Variants in C14orf39 observed in about 807,000 individuals in gnomAD.
The protein encoded by C14orf39 is protein SIX6OS1.
In C14orf39, 66 loss-of-function variants were observed where a neutral mutation model predicts 85.6. The observed-to-expected ratio is 0.77, with a 90% CI of 0.63 to 0.95. C14orf39 has a LOEUF of 0.95. Among genes scored for constraint, C14orf39 ranks in the 40% least tolerant of loss-of-function variants. The pLI is 0.00. For synonymous variants in C14orf39, 242 were observed against 214.0 expected, an observed-to-expected ratio of 1.13 and a Z score of -1.14; for missense variants, 735 against 663.9, an observed-to-expected ratio of 1.11 and a Z score of -1.18.
chr14:60,511,301 AAAAC>A, intron 1 of C14orf39: 2 of 1,593,940 alleles, frequency 1.3e-6, no homozygotes, highest in Non-Finnish European at 1.7e-6. Flanking sequence ...AAAAACGAGA[AAAAC>A]AAAATGAAAG....
chr14:60,436,850 A>G lies in C14orf39; in HGVS notation c.1759T>C (p.Phe587Leu), dbSNP rs563983504. Reference protein sequence around the residue: ...SSQNTTQFTFF With the variant: ...SSQNTTQFTFL Reference sequence around the variant, plus strand: ...TTAAGGAATTAATGACTAGCTCAAAAAAAAGTAAACTGTGTTGTATTTTGT... The same window carrying G: ...TTAAGGAATTAATGACTAGCTCAAAGAAAAGTAAACTGTGTTGTATTTTGT... The change falls in exon 18 of 18, where the codon TTT becomes CTT. Residue 587 changes from phenylalanine (F) to leucine (L), a missense_variant. By Grantham distance (22) the Phe-to-Leu change is conservative (BLOSUM62 0). Transcript: ENST00000321731. 5.6e-6 allele frequency: 9 copies of G among 1,600,182 alleles called. No individual in the cohort carries two copies. The East Asian group carries it at 1.8e-4, about 32-fold the overall frequency.
At chr14:60,455,724 T>C (rs1293947392) in intron 15 of C14orf39, among the ~76,000 whole-genome samples, 1 of 152,154 alleles carries the variant, frequency 6.6e-6, no homozygotes, top group Non-Finnish European at 1.5e-5. Context: ...CTAATGTTGA[T>C]TAGTTGTATC....
intron 16 of C14orf39, among the ~76,000 whole-genome samples, chr14:60,447,849 T>C (rs1250471361): frequency 6.6e-6 from 1 of 152,072 alleles, no homozygotes; most frequent in East Asian, 1.9e-4. Context: ...AACAGACATA[T>C]AGACCAATGA....
intron 5 of C14orf39, among the ~76,000 whole-genome samples, chr14:60,472,320 C>G (rs1892127053): frequency 6.6e-6 from 1 of 152,072 alleles, no homozygotes; most frequent in Non-Finnish European, 1.5e-5. Context: ...TCTACTCCAG[C>G]TCCAATAGTA....
In C14orf39 at chr14:60,478,382, G is replaced by A. The variant is rs1423928571; in HGVS notation, c.241C>T (p.Pro81Ser). 3.2e-6 allele frequency: 5 copies of A among 1,558,680 alleles called. No individual in the cohort carries two copies. The highest frequency in any genetic ancestry group is 2.8e-5 in the African/African-American group (2 of 72,160). Reference sequence around the variant, plus strand: ...TGTTTACGAAAAACATCACATGTTGGCTTCCAGCTATAGAAAAAAATATAT... The same window carrying A: ...TGTTTACGAAAAACATCACATGTTGACTTCCAGCTATAGAAAAAAATATAT... ...EIKDNCRNWK[P>S]TCDVFRKHED... Residue 81 changes from proline (P) to serine (S), a missense_variant, in exon 5 of 18, where the codon CCA (proline) becomes TCA (serine). Pro to Ser is a moderately conservative substitution (Grantham distance 74). Transcript: ENST00000321731.
At chr14:60,457,289 C>T (rs185338567) in intron 14 of C14orf39, among the ~76,000 whole-genome samples, 194 bp from the exon 15 acceptor site, 4 of 151,672 alleles carry the variant, frequency 2.6e-5, no homozygotes, top group Non-Finnish European at 5.9e-5. Context: ...AAATATTTAT[C>T]CAATTTTTTC....
At chr14:60,501,302 T>TCTCCAAAA (rs1893143210) in intron 1 of C14orf39, among the ~76,000 whole-genome samples, 1 of 79,750 alleles carries the variant, frequency 1.3e-5, no homozygotes, top group Non-Finnish European at 2.5e-5. Flanking sequence ...CAAGACCCTG[T>TCTCCAAAA]CTCCAAAAAA....
upstream of C14orf39, among the ~76,000 whole-genome samples, chr14:60,489,962 A>C (rs1892961232): frequency 6.6e-6 from 1 of 152,228 alleles, no homozygotes; most frequent in South Asian, 2.1e-4. Context: ...CATGACACTG[A>C]ATCCAATGAA....
rs1892095093 is a variant in C14orf39, at chr14:60,471,745, A to C, written c.324-6T>G. The C allele has an allele frequency of 1.2e-5, 18 of 1,460,700 alleles. No individual in the cohort carries two copies. Among genetic ancestry groups the C allele is most frequent in the Non-Finnish European group, 1.7e-5 (18 of 1,072,886 alleles). 90.5% of individuals were successfully genotyped at this position (1,460,700 alleles called of 1,614,324 possible). ...TATAATCATGATACATTTCTCTGTT[A>C]AAATTAAAAGAAATGATGTTTATAT... On this transcript the variant is annotated splice_polypyrimidine_tract_variant and splice_region_variant and intron_variant, in intron 5 of 17. Transcript: ENST00000321731.
intron 16 of C14orf39, among the ~76,000 whole-genome samples, chr14:60,450,785 G>C (rs1337838070): frequency 1.3e-5 from 2 of 152,162 alleles, no homozygotes; most frequent in Non-Finnish European, 2.9e-5. Flanking sequence ...CCCCACTCCA[G>C]GCAGCTCAGC....
At chr14:60,502,769 C>T (rs1197951643) in intron 1 of C14orf39, among the ~76,000 whole-genome samples, 5 of 152,206 alleles carry the variant, frequency 3.3e-5, no homozygotes, top group Admixed American at 3.3e-4. Flanking sequence ...AAGCAGCCTC[C>T]TCTCTGTGTT....
chr14:60,511,021 TG>T, intron 1 of C14orf39: 1 of 1,543,018 alleles, frequency 6.5e-7, no homozygotes, highest in South Asian at 1.2e-5. Context: ...CAGGAGGTGG[TG>T]GGGGCGGGCG....
intron 1 of C14orf39, chr14:60,511,000 C>A: frequency 7.1e-7 from 1 of 1,416,390 alleles, no homozygotes; most frequent in Non-Finnish European, 9.8e-7. Context: ...AGCCGCCGGG[C>A]TGGAGGGACG....
rs149126709 is a variant in C14orf39 at position 60,466,248 on chromosome 14, G to A, written c.896-193C>T. Among the ~76,000 whole-genome samples, 861 of 151,950 alleles carry A rather than the reference G, an allele frequency of 5.7e-3. 17 individuals carry two copies. Among genetic ancestry groups the A allele is most frequent in the African/African-American group, 0.02 (810 of 41,492 alleles). Reference sequence around the variant, plus strand: ...TATATAATAGCTTTACAATAACTATGAAGATGAAATGACAAAAGGCCAACT... The same window carrying A: ...TATATAATAGCTTTACAATAACTATAAAGATGAAATGACAAAAGGCCAACT... On this transcript the variant is annotated intron_variant, in intron 10 of 17. Transcript: ENST00000321731.
At chr14:60,468,726 T>C (rs1010234712) in intron 8 of C14orf39, among the ~76,000 whole-genome samples, 190 bp from the exon 9 acceptor site, 1 of 151,704 alleles carries the variant, frequency 6.6e-6, no homozygotes, top group Non-Finnish European at 1.5e-5. Context: ...AACTTTTCCT[T>C]ACAATTCCAT....
rs1305150034 is a variant in C14orf39 at position 60,501,143 on chromosome 14, A to G, written c.-143-1713T>C. 3.3e-5 allele frequency among the ~76,000 whole-genome samples: 5 copies of G among 152,030 alleles called. 1 individual carries two copies. Among genetic ancestry groups the G allele is most frequent in the Admixed American group, 2.0e-4 (3 of 15,248 alleles). ...ATAGAGAGACCCTGTCTCTACACAC[A>G]CAAAAAATTATTAATTAGCCAGATG... On this transcript the variant is annotated intron_variant, in intron 1 of 5. Transcript: ENST00000556799.
intron 5 of C14orf39, among the ~76,000 whole-genome samples, chr14:60,473,883 C>T (rs1263291730): frequency 1.3e-5 from 2 of 152,122 alleles, no homozygotes; most frequent in East Asian, 3.8e-4. Flanking sequence ...CTAGGCAATG[C>T]AGGCTCTTTT....
At chr14:60,475,803 A>G (rs1347086856) in intron 5 of C14orf39, among the ~76,000 whole-genome samples, 1 of 152,126 alleles carries the variant, frequency 6.6e-6, no homozygotes, top group Non-Finnish European at 1.5e-5. Context: ...CTTTTTCCCC[A>G]ATTCTTATCA....
intron 1 of C14orf39, chr14:60,511,374 C>T: frequency 8.1e-7 from 1 of 1,235,860 alleles, no homozygotes; most frequent in Non-Finnish European, 1.2e-6. Flanking sequence ...TGACCAGGGA[C>T]CCGCGGGCTC....
Sources: allele counts gnomAD v4.1 joint callset (sites outside exome capture counted in the v4.1 genomes callset), GRCh38; gene constraint gnomAD v4.1.1; transcripts MANE v1.5; gene names NCBI Gene and HGNC (gene_info 2026-07-23, HGNC 2026-07-21).